TCF7L2: variants seen among roughly 807,000 people sequenced by gnomAD.
The protein encoded by TCF7L2 is transcription factor 7-like 2.
A neutral mutation model predicts 77.9 loss-of-function variants in TCF7L2; 23 were observed. The ratio of observed to expected loss-of-function variants is 0.30; its 90% CI spans 0.21 to 0.42. The LOEUF (loss-of-function observed/expected upper bound fraction) is 0.42. Ranked by LOEUF, TCF7L2 falls within the 10% of genes least tolerant of loss-of-function variation. TCF7L2 has a pLI of 1.00. For synonymous variants in TCF7L2, 413 were observed against 340.2 expected, an observed-to-expected ratio of 1.21 and a Z score of -2.36; for missense variants, 654 against 793.1, an observed-to-expected ratio of 0.82 and a Z score of 2.11.
intron 5 of TCF7L2, among the ~76,000 whole-genome samples, chr10:113,088,597 T>C (rs1021349628): frequency 2.0e-5 from 3 of 152,116 alleles, no homozygotes; most frequent in Non-Finnish European, 4.4e-5. Context: ...GGGTCCAGAA[T>C]TGGTAGTATA....
chr10:113,074,389 G>A (rs1207405001), intron 5 of TCF7L2, among the ~76,000 whole-genome samples: 1 of 152,132 alleles, frequency 6.6e-6, no homozygotes, highest in African/African-American at 2.4e-5. Context: ...TACTAAAGCT[G>A]TGTGATTTTA....
intron 5 of TCF7L2, chr10:113,133,130 T>G (rs1346389608): frequency 1.3e-5 from 2 of 152,226 alleles, no homozygotes; most frequent in East Asian, 3.8e-4. Flanking sequence ...TTTAATGAAC[T>G]TAACTGGAAG....
At chr10:113,022,198 G>A (rs1301433087) in intron 4 of TCF7L2, among the ~76,000 whole-genome samples, 1 of 152,208 alleles carries the variant, frequency 6.6e-6, no homozygotes, top group Non-Finnish European at 1.5e-5. Context: ...TTGGGCAGCT[G>A]CTGCCAGGTT....
chr10:113,073,156 G>GAGAC (rs2058275468), intron 5 of TCF7L2, among the ~76,000 whole-genome samples: 1 of 149,270 alleles, frequency 6.7e-6, no homozygotes, highest in African/African-American at 2.4e-5. Context: ...GAGAGACAGA[G>GAGAC]AGAGAGATAG....
rs143747673 is a variant in TCF7L2 at position 113,002,796 on chromosome 10, A to G, written c.451-37229A>G. On this transcript the variant is annotated intron_variant, in intron 4 of 13. Transcript: ENST00000627217. ...CTTAAAAAAAATGCGGATATGAAAG[A>G]AAATAAAAACCACATTATCCCTCCA... Among the ~76,000 whole-genome samples the G allele has an allele frequency of 4.0e-3, 611 of 152,330 alleles. 2 individuals carry two copies. Among genetic ancestry groups the G allele is most frequent in the African/African-American group, 0.014 (579 of 41,562 alleles).
intron 5 of TCF7L2, among the ~76,000 whole-genome samples, chr10:113,083,626 T>C (rs1363420008): frequency 6.6e-6 from 1 of 152,206 alleles, no homozygotes; most frequent in Admixed American, 6.5e-5. Flanking sequence ...CTTACCTGTC[T>C]CCAAGGTTAC....
chr10:113,005,191 G>A (rs149166429), intron 4 of TCF7L2, among the ~76,000 whole-genome samples: 40 of 152,322 alleles, frequency 2.6e-4, no homozygotes, highest in Non-Finnish European at 5.0e-4. Flanking sequence ...TGTCATAGGT[G>A]GTCTACCACG....
At chr10:113,161,457 C>G in intron 13 of TCF7L2, 1 of 1,091,880 alleles carries the variant, frequency 9.2e-7, no homozygotes, top group East Asian at 2.6e-5. Flanking sequence ...AGCCTGCATT[C>G]TCAGGGAAAG....
intron 5 of TCF7L2, among the ~76,000 whole-genome samples, chr10:113,107,567 C>A (rs376557456): frequency 2.3e-4 from 35 of 151,358 alleles, no homozygotes; most frequent in African/African-American, 8.0e-4. Flanking sequence ...CACAGTGAAA[C>A]CCTGTCTCCA....
At chr10:113,066,475 C>T (rs1197102801) in intron 5 of TCF7L2, among the ~76,000 whole-genome samples, 2 of 152,020 alleles carry the variant, frequency 1.3e-5, no homozygotes, top group East Asian at 1.9e-4. Flanking sequence ...ATTTCAGATG[C>T]GTAAAAATGT....
At chr10:113,141,838 C>A (rs559839046) in intron 6 of TCF7L2, among the ~76,000 whole-genome samples, 5 of 152,302 alleles carry the variant, frequency 3.3e-5, no homozygotes, top group African/African-American at 7.2e-5. Context: ...TCTGCATTTT[C>A]TTTGCTAATT....
chr10:112,989,022 C>T (rs1422641402), intron 4 of TCF7L2, among the ~76,000 whole-genome samples: 1 of 152,092 alleles, frequency 6.6e-6, no homozygotes, highest in African/African-American at 2.4e-5. Context: ...GGCTCGGGTC[C>T]TGTCATGCTC....
At chr10:113,115,821 GA>G (rs2063660694) in intron 5 of TCF7L2, among the ~76,000 whole-genome samples, 1 of 152,050 alleles carries the variant, frequency 6.6e-6, no homozygotes, top group African/African-American at 2.4e-5. Context: ...TCAGTTTTGT[GA>G]ATGTGTGTGC....
intron 4 of TCF7L2, among the ~76,000 whole-genome samples, chr10:112,985,652 C>T (rs551042922): frequency 6.6e-6 from 1 of 152,142 alleles, no homozygotes; most frequent in East Asian, 1.9e-4. Flanking sequence ...TGTTTAGGAG[C>T]AAGAGGCTGG....
At position 112,966,183 on chromosome 10, in the gene TCF7L2, T is replaced by TA. The variant is rs1564721798; in HGVS notation, c.450+1559_450+1560insA. Among the ~76,000 whole-genome samples the TA allele has an allele frequency of 4.4e-3, 155 of 34,946 alleles. 5 individuals are homozygous for TA. Among genetic ancestry groups the TA allele is most frequent in the African/African-American group, 0.012 (129 of 11,008 alleles). The allele number at this position is 34,946 out of a possible 152,430, so 22.9% of individuals were successfully genotyped here. A position where few individuals can be genotyped will look rare whatever the true frequency, so the allele number is the denominator to read the frequency against. ...AGAGTGAGACTCTGTCTAAAATATA[T>TA]TTATATATATATATATATATATATA... On this transcript the variant is annotated intron_variant, in intron 4 of 13. Transcript: ENST00000627217.
intron 3 of TCF7L2, among the ~76,000 whole-genome samples, chr10:112,958,263 C>G (rs1206366294): frequency 6.6e-6 from 1 of 152,104 alleles, no homozygotes; most frequent in African/African-American, 2.4e-5. Flanking sequence ...GAAGGAATGG[C>G]CAGGAGTGGC....
intron 8 of TCF7L2, 146 bp from the exon 9 acceptor site, chr10:113,150,852 T>A: frequency 1.0e-6 from 1 of 1,001,942 alleles, no homozygotes. Context: ...TTATCGCTAA[T>A]TAATGCTGAC....
chr10:112,978,910 C>G (rs2039962804), intron 4 of TCF7L2, among the ~76,000 whole-genome samples: 2 of 152,180 alleles, frequency 1.3e-5, no homozygotes, highest in African/African-American at 4.8e-5. Flanking sequence ...TATACATGTG[C>G]CATGTTGGTG....
At chr10:113,053,597 A>G (rs922333296) in intron 5 of TCF7L2, among the ~76,000 whole-genome samples, 2 of 152,102 alleles carry the variant, frequency 1.3e-5, no homozygotes, top group African/African-American at 4.8e-5. Flanking sequence ...TCTTTTCAAT[A>G]TTAGACTTAA....
Sources: allele counts gnomAD v4.1 joint callset (sites outside exome capture counted in the v4.1 genomes callset), GRCh38; gene constraint gnomAD v4.1.1; transcripts MANE v1.5; gene names NCBI Gene and HGNC (gene_info 2026-07-23, HGNC 2026-07-21).